The following FYB1 variants were observed in gnomAD, a reference collection of about 807,000 sequenced individuals.
FYB1 encodes the protein FYN binding protein 1.
Under a neutral mutation model 94.1 loss-of-function variants are expected in FYB1, and 41 were observed. The ratio of observed to expected loss-of-function variants is 0.44; its 90% CI spans 0.34 to 0.57. FYB1 has a LOEUF of 0.57. Ranked by LOEUF, FYB1 falls within the 20% of genes least tolerant of loss-of-function variation. The pLI is 0.02. For synonymous variants in FYB1, 367 were observed against 353.2 expected, an observed-to-expected ratio of 1.04 and a Z score of -0.44; for missense variants, 1,050 against 976.8, an observed-to-expected ratio of 1.07 and a Z score of -1.00.
chr5:39,115,881 A>G (rs948622349), intron 16 of FYB1, among the ~76,000 whole-genome samples: 3 of 152,170 alleles, frequency 2.0e-5, no homozygotes, highest in Non-Finnish European at 4.4e-5. Flanking sequence ...TTACCACGTG[A>G]GTACTTGCAA....
chr5:39,270,769 G>T (rs186401903), intron 1 of FYB1: 72 of 455,434 alleles, frequency 1.6e-4, no homozygotes, highest in African/African-American at 1.4e-3. Flanking sequence ...TAGCTGGCCA[G>T]GTTTATCTTG....
intron 16 of FYB1, among the ~76,000 whole-genome samples, chr5:39,117,293 T>C (rs953398632): frequency 1.3e-5 from 2 of 152,208 alleles, no homozygotes; most frequent in Non-Finnish European, 2.9e-5. Flanking sequence ...ATTCATCATA[T>C]TACTATCATA....
chr5:39,115,211 T>G (rs1739422202), intron 16 of FYB1, among the ~76,000 whole-genome samples: 1 of 151,912 alleles, frequency 6.6e-6, no homozygotes. Flanking sequence ...TTCTCCTGCC[T>G]CAGCCTCTCT....
chr5:39,257,373 C>G (rs1353786376), intron 1 of FYB1, among the ~76,000 whole-genome samples: 2 of 151,162 alleles, frequency 1.3e-5, no homozygotes, highest in Admixed American at 1.3e-4. Flanking sequence ...TAAAAAGTCT[C>G]TCTTCCCAAG....
intron 1 of FYB1, among the ~76,000 whole-genome samples, chr5:39,244,881 G>A (rs1209644726): frequency 6.6e-6 from 1 of 152,146 alleles, no homozygotes; most frequent in Non-Finnish European, 1.5e-5. Flanking sequence ...GGGTGTATGT[G>A]TCGAGGTATT....
chr5:39,120,559 T>C (rs1739994599), intron 14 of FYB1, among the ~76,000 whole-genome samples: 1 of 152,108 alleles, frequency 6.6e-6, no homozygotes, highest in Admixed American at 6.6e-5. Flanking sequence ...CTGAGCAAGG[T>C]CCAGGTAGTG....
At chr5:39,118,810 G>T in intron 16 of FYB1, 64 bp downstream of exon 16, 1 of 1,073,348 alleles carries the variant, frequency 9.3e-7, no homozygotes, top group South Asian at 3.0e-5. Flanking sequence ...ACTAAAACTT[G>T]TTTGGTTGTT....
intron 1 of FYB1, among the ~76,000 whole-genome samples, chr5:39,262,535 T>C (rs1022108345): frequency 6.6e-5 from 10 of 152,222 alleles, no homozygotes; most frequent in Non-Finnish European, 1.3e-4. Flanking sequence ...GCAACTTTTG[T>C]AGAAGGCTGA....
At chr5:39,123,124 C>A (rs1740283675) in intron 13 of FYB1, among the ~76,000 whole-genome samples, 1 of 152,046 alleles carries the variant, frequency 6.6e-6, no homozygotes, top group South Asian at 2.1e-4. Flanking sequence ...ACTCTACAGT[C>A]AATGAAGCTG....
intron 10 of FYB1, among the ~76,000 whole-genome samples, chr5:39,128,699 G>C (rs759220797): frequency 2.0e-5 from 3 of 152,086 alleles, no homozygotes; most frequent in Non-Finnish European, 4.4e-5. Flanking sequence ...TTGCTGGCTA[G>C]CTCTAGAATC....
intron 2 of FYB1, chr5:39,169,672 CT>C (rs1745071844): frequency 1.4e-5 from 6 of 437,216 alleles, no homozygotes; most frequent in Non-Finnish European, 2.7e-5. Context: ...TGGTGAAACT[CT>C]GTCTCTATTG....
intron 3 of FYB1, among the ~76,000 whole-genome samples, chr5:39,144,373 T>C (rs950898269): frequency 1.3e-5 from 2 of 152,204 alleles, no homozygotes; most frequent in Non-Finnish European, 2.9e-5. Flanking sequence ...GACAGGGACA[T>C]ATAGCTATAT....
At chr5:39,252,525 C>T (rs1415910492) in intron 1 of FYB1, among the ~76,000 whole-genome samples, 2 of 152,064 alleles carry the variant, frequency 1.3e-5, no homozygotes, top group African/African-American at 4.8e-5. Flanking sequence ...TAAATTCTTC[C>T]CAATTCTTTT....
chr5:39,231,827 G>A (rs1750757454), intron 1 of FYB1, among the ~76,000 whole-genome samples: 1 of 152,142 alleles, frequency 6.6e-6, no homozygotes, highest in African/African-American at 2.4e-5. Flanking sequence ...GCTGCACCCT[G>A]TCTAGTTGGG....
At chr5:39,190,825 A>C (rs1364604544) in intron 2 of FYB1, among the ~76,000 whole-genome samples, 2 of 149,422 alleles carry the variant, frequency 1.3e-5, no homozygotes, top group African/African-American at 4.9e-5. Context: ...ACACACATAC[A>C]TCTCACATCT....
intron 1 of FYB1, among the ~76,000 whole-genome samples, chr5:39,231,872 T>G (rs1157027978): frequency 6.7e-6 from 1 of 150,134 alleles, no homozygotes; most frequent in African/African-American, 2.5e-5. Context: ...AACTTCAGCC[T>G]TGTGGATGAT....
intron 4 of FYB1, among the ~76,000 whole-genome samples, chr5:39,140,254 T>C (rs1191537957): frequency 6.6e-6 from 1 of 152,098 alleles, no homozygotes; most frequent in Non-Finnish European, 1.5e-5. Flanking sequence ...CATTAATGTC[T>C]GAAATATAAA....
At chr5:39,207,406 C>T (rs1178938142) in intron 1 of FYB1, among the ~76,000 whole-genome samples, 1 of 152,164 alleles carries the variant, frequency 6.6e-6, no homozygotes, top group African/African-American at 2.4e-5. Context: ...TTTACATTTG[C>T]CACAGACCTT....
rs112500406 is a variant in FYB1 at position 39,267,003 on chromosome 5, T to C, written c.-28+7400A>G. 4.3e-4 allele frequency among the ~76,000 whole-genome samples: 66 copies of C among 152,294 alleles called. 1 individual carries two copies. In the Middle Eastern group the frequency reaches 0.014, roughly 31 times the overall value. ...GAGGAGCTCCGGCTCTGAGAACAGATAAAATCGTCCTCAAATTCCAGGCCC... is the reference window on the plus strand; with the variant it reads ...GAGGAGCTCCGGCTCTGAGAACAGACAAAATCGTCCTCAAATTCCAGGCCC... On this transcript the variant is annotated intron_variant, in intron 1 of 1. Coordinates refer to the FYB1 transcript ENST00000510188.
Sources: allele counts gnomAD v4.1 joint callset (sites outside exome capture counted in the v4.1 genomes callset), GRCh38; gene constraint gnomAD v4.1.1; transcripts MANE v1.5; gene names NCBI Gene and HGNC (gene_info 2026-07-23, HGNC 2026-07-21).